Variants in PHTF1 observed in about 807,000 individuals in gnomAD.
PHTF1 encodes the protein protein PHTF1.
PHTF1 carries 88 observed loss-of-function variants against 102.4 expected under a neutral mutation model. That is an observed-to-expected ratio of 0.86 (90% CI 0.72 to 1.03). PHTF1 has a LOEUF of 1.03. PHTF1 is among the 50% of genes least tolerant of loss of function. The pLI is 0.00. For missense variants in PHTF1, 814 were observed against 909.5 expected, an observed-to-expected ratio of 0.89 and a Z score of 1.35; for synonymous variants, 289 against 305.2, an observed-to-expected ratio of 0.95 and a Z score of 0.55.
intron 3 of PHTF1, among the ~76,000 whole-genome samples, chr1:113,740,695 AT>A (rs1449309388): frequency 6.6e-6 from 1 of 152,272 alleles, no homozygotes; most frequent in African/African-American, 2.4e-5. Flanking sequence ...CAGGTCTTAC[AT>A]TTAAATCATT....
At chr1:113,755,896 TAA>T (rs34264654) in intron 3 of PHTF1, among the ~76,000 whole-genome samples, 2 of 146,158 alleles carry the variant, frequency 1.4e-5, no homozygotes, top group Non-Finnish European at 1.5e-5. Context: ...CCGTCTCTAC[TAA>T]AAAAAAAAAG....
intron 11 of PHTF1, 54 bp from the exon 12 acceptor site, chr1:113,706,776 TTTTTC>T: frequency 7.3e-7 from 1 of 1,371,646 alleles, no homozygotes. Flanking sequence ...CCTCCATTAG[TTTTTC>T]TTTCCCAGGC....
intron 3 of PHTF1, among the ~76,000 whole-genome samples, chr1:113,749,095 T>A (rs909369873): frequency 1.3e-5 from 2 of 152,212 alleles, no homozygotes. Context: ...CTAACTATAG[T>A]CACCAATGTT....
In PHTF1 at chr1:113,738,132, C is replaced by G. The variant is rs745403566; in HGVS notation, c.309G>C (p.Leu103=). 1.9e-6 allele frequency: 3 copies of G among 1,611,018 alleles called. No homozygotes were observed. Among genetic ancestry groups the G allele is most frequent in the East Asian group, 2.2e-5 (1 of 44,856 alleles). Residue 103 remains leucine, a synonymous_variant, in exon 5 of 19, where the codon CTG becomes CTC. Transcript: ENST00000369604. ...QVTSLRIFVW[L]LLLYFMQVIA... ...TACCTTGCATGAAATAAAGTAGTAA[C>G]AGCCAAACAAAGATTCTTAAAGAGG...
chr1:113,735,222 C>T (rs537482200), intron 5 of PHTF1, among the ~76,000 whole-genome samples: 4 of 151,696 alleles, frequency 2.6e-5, no homozygotes, highest in African/African-American at 9.7e-5. Flanking sequence ...AAAAATTAGC[C>T]AGGCATGGTA....
chr1:113,746,849 C>A lies in PHTF1; in HGVS notation c.103-8050G>T, dbSNP rs999341931. 5.5e-6 allele frequency: 5 copies of A among 907,496 alleles called. No individual in the cohort carries two copies. The African/African-American group carries it at 9.0e-5, about 16-fold the overall frequency. The allele number at this position is 907,496 out of a possible 1,614,324, so 56.2% of individuals were successfully genotyped here. A position where few individuals can be genotyped will look rare whatever the true frequency, so the allele number is the denominator to read the frequency against. On this transcript the variant is annotated intron_variant, in intron 3 of 18. Coordinates refer to ENST00000369604, the MANE Select transcript of PHTF1 (RefSeq NM_001323043.2). ...TAAAAAATAACATTCCAGTCTCACC[C>A]TTCCTTACCCTTGATTCATACATCC...
At chr1:113,733,082 TTTTG>T in intron 5 of PHTF1, among the ~76,000 whole-genome samples, 1 of 146,490 alleles carries the variant, frequency 6.8e-6, no homozygotes, top group African/African-American at 2.6e-5. Context: ...TTTTTTTTTT[TTTTG>T]TAGAGATGGG....
At chr1:113,758,231 C>CAAAAAAAAAAAAAAAAA (rs1162537319) in intron 2 of PHTF1, among the ~76,000 whole-genome samples, 1 of 58,212 alleles carries the variant, frequency 1.7e-5, no homozygotes, top group Non-Finnish European at 3.1e-5. Flanking sequence ...AACTCCGTCT[C>CAAAAAAAAAAAAAAAAA]AAAAAAAAAA....
chr1:113,697,553 T>A lies in PHTF1; in HGVS notation c.*152A>T, dbSNP rs1648930701. 4 of 593,986 alleles carry A rather than the reference T, an allele frequency of 6.7e-6. No homozygotes were observed. In the South Asian group the frequency reaches 8.6e-5, roughly 13 times the overall value. The allele number at this position is 593,986 out of a possible 1,614,324, so 36.8% of individuals were successfully genotyped here. ...ACCCAGTTGGAAAAGGACTTGCTCC[T>A]CCGGAAACACCATTCATTCGCTTTG... is the stretch of plus-strand genomic sequence containing the variant. On this transcript the variant is annotated 3_prime_UTR_variant, in exon 19 of 19. Coordinates refer to ENST00000369604, the MANE Select transcript of PHTF1 (RefSeq NM_001323043.2).
At chr1:113,758,041 A>G (rs72691811) in intron 2 of PHTF1, among the ~76,000 whole-genome samples, 3,988 of 152,200 alleles carry the variant, frequency 0.026, 92 homozygotes, top group Admixed American at 0.09. Context: ...TCACGCCTGT[A>G]GTTTGAGACC....
intron 5 of PHTF1, among the ~76,000 whole-genome samples, chr1:113,732,042 A>G (rs954727218): frequency 1.3e-5 from 2 of 152,024 alleles, no homozygotes; most frequent in Non-Finnish European, 2.9e-5. Context: ...ACATTTGTGT[A>G]TGTGTGCTGG....
In PHTF1 at chr1:113,757,693, A is replaced by G. The variant is rs572301179; in HGVS notation, c.102+6T>C. 9 of 1,591,224 alleles carry G rather than the reference A, an allele frequency of 5.7e-6. No homozygotes were observed. The highest frequency in any genetic ancestry group is 4.4e-5 in the South Asian group (4 of 90,570). ...AACATAGGCGGAATCAAAGAAATCA[A>G]TTTACCTTAATCTGAGTCTGTTCGA... On this transcript the variant is annotated splice_donor_region_variant and intron_variant, in intron 3 of 18. Coordinates refer to ENST00000369604, the MANE Select transcript of PHTF1 (RefSeq NM_001323043.2).
chr1:113,726,442 C>T lies in PHTF1; in HGVS notation c.464G>A (p.Gly155Glu). Residue 155 changes from glycine (G) to glutamate (E), a missense_variant, in exon 6 of 19, where the codon GGA becomes GAA. Coordinates refer to ENST00000369604, the MANE Select transcript of PHTF1 (RefSeq NM_001323043.2). ...IVSTQITRPS[G>E]NNGNRRRRKL... Reference sequence around the variant, plus strand: ...CCTTCTTCTTCGATTTCCATTGTTTCCTGATGGTCTTGTTATCTGAGTAGA... The same window carrying T: ...CCTTCTTCTTCGATTTCCATTGTTTTCTGATGGTCTTGTTATCTGAGTAGA... 1 of 1,608,692 alleles carries T rather than the reference C, an allele frequency of 6.2e-7. No homozygotes were observed. The highest frequency in any genetic ancestry group is 1.1e-5 in the South Asian group (1 of 89,704).
intron 3 of PHTF1, among the ~76,000 whole-genome samples, chr1:113,742,661 T>G (rs1386956652): frequency 6.6e-6 from 1 of 152,056 alleles, no homozygotes; most frequent in East Asian, 1.9e-4. Flanking sequence ...TACACCTGTA[T>G]AGGGCACTTA....
At chr1:113,706,470 AATATG>A (rs1418341265) in intron 12 of PHTF1, 119 bp downstream of exon 12, 2 of 576,388 alleles carry the variant, frequency 3.5e-6, no homozygotes, top group Non-Finnish European at 2.8e-6. Flanking sequence ...TATTATATAT[AATATG>A]ATATATATGT....
chr1:113,734,249 G>C (rs1426601555), intron 5 of PHTF1, among the ~76,000 whole-genome samples: 1 of 152,152 alleles, frequency 6.6e-6, no homozygotes, highest in African/African-American at 2.4e-5. Context: ...AACAGAGCAA[G>C]ACTCTGTCTT....
intron 3 of PHTF1, among the ~76,000 whole-genome samples, chr1:113,750,727 G>A (rs1657942295): frequency 6.6e-6 from 1 of 151,804 alleles, no homozygotes; most frequent in African/African-American, 2.4e-5. Context: ...ATGGTGGCGT[G>A]CGCCTGTAAT....
chr1:113,748,370 T>G (rs1040581454), intron 3 of PHTF1, among the ~76,000 whole-genome samples: 3 of 152,222 alleles, frequency 2.0e-5, no homozygotes, highest in African/African-American at 7.2e-5. Context: ...TCTCCATGTA[T>G]TTCCTTTTTC....
intron 5 of PHTF1, among the ~76,000 whole-genome samples, chr1:113,728,353 T>C (rs1030586170): frequency 6.6e-6 from 1 of 152,176 alleles, no homozygotes; most frequent in Non-Finnish European, 1.5e-5. Flanking sequence ...TATGAAAAGG[T>C]GCTCATATCA....
Sources: gnomAD v4.1 joint callset for allele counts (sites outside exome capture counted in the v4.1 genomes callset) on GRCh38, gnomAD v4.1.1 for gene constraint, MANE v1.5 for transcripts, NCBI Gene and HGNC (gene_info 2026-07-23, HGNC 2026-07-21) for gene names.